BICRA: variants seen among roughly 807,000 people sequenced by gnomAD.
BICRA encodes the protein BRD4 interacting chromatin remodeling complex associated protein.
Under a neutral mutation model 96.9 loss-of-function variants are expected in BICRA, and 31 were observed. That is an observed-to-expected ratio of 0.32 (90% CI 0.24 to 0.43). The LOEUF is 0.43. BICRA is among the 20% of genes least tolerant of loss of function. BICRA has a pLI of 1.00. For synonymous variants in BICRA, 1,350 were observed against 1,071.8 expected (o/e 1.26, Z -5.07); for missense variants, 2,283 against 2,190.3 (o/e 1.04, Z -0.84).
chr19:47,698,942 T>G lies in BICRA; in HGVS notation c.3398-23T>G. The G allele has an allele frequency of 6.5e-7, 1 of 1,543,552 alleles. No individual in the cohort carries two copies. Among genetic ancestry groups the G allele is most frequent in the East Asian group, 2.4e-5 (1 of 41,620 alleles). On this transcript the variant is annotated intron_variant, in intron 12 of 14. Coordinates refer to ENST00000594866, the MANE Select transcript of BICRA (RefSeq NM_001394372.1). This position sits in a 1 kb window ranked among gnomAD's most constrained non-coding sequence, Gnocchi z 4.8. ...CGGCCGCCCCCAACATCTCCGCCCTTGCCTCTCTTCCCTTCCTCGCAGTGG... is the reference window on the plus strand; with the variant it reads ...CGGCCGCCCCCAACATCTCCGCCCTGGCCTCTCTTCCCTTCCTCGCAGTGG...
At chr19:47,690,472 A>G (rs1973224524) in intron 7 of BICRA, among the ~76,000 whole-genome samples, 1 of 152,164 alleles carries the variant, frequency 6.6e-6, no homozygotes, top group African/African-American at 2.4e-5. Flanking sequence ...CAGTATATAC[A>G]AGCATCTTTA....
At position 47,681,270 on chromosome 19, in the gene BICRA, G is replaced by A. The variant is rs967275415; in HGVS notation, c.2100G>A (p.Leu700=). 1.0e-5 allele frequency: 16 copies of A among 1,541,606 alleles called. No homozygotes were observed. Among genetic ancestry groups the A allele is most frequent in the African/African-American group, 1.4e-5 (1 of 73,528 alleles). ...ILTQDSLQMF[L]PQERSQQPLS... Reference sequence around the variant, plus strand: ...CTCAGGACTCCCTGCAGATGTTCCTGCCCCAGGTAAGCAGGGCGGGGCAAG... The same window carrying A: ...CTCAGGACTCCCTGCAGATGTTCCTACCCCAGGTAAGCAGGGCGGGGCAAG... The change falls in exon 6 of 15, where the codon CTG becomes CTA. Residue 700 remains leucine (L), a synonymous_variant. Transcript: ENST00000594866.
At chr19:47,613,228 C>T (rs1971935536) in intron 1 of BICRA, among the ~76,000 whole-genome samples, 2 of 152,114 alleles carry the variant, frequency 1.3e-5, no homozygotes, top group Admixed American at 6.5e-5. Context: ...ATAAGGCTCC[C>T]CAGGTTCCCG....
intron 1 of BICRA, among the ~76,000 whole-genome samples, chr19:47,619,404 G>A (rs1972032421): frequency 1.3e-5 from 2 of 151,778 alleles, no homozygotes; most frequent in South Asian, 2.1e-4. Flanking sequence ...GATTATAGGC[G>A]CCCGCCACCA....
At chr19:47,619,180 G>GTATATA (rs910501128) in intron 1 of BICRA, among the ~76,000 whole-genome samples, 1 of 108,918 alleles carries the variant, frequency 9.2e-6, no homozygotes, top group African/African-American at 3.7e-5. Context: ...CGTGGACAGT[G>GTATATA]TATATATATA....
intron 1 of BICRA, among the ~76,000 whole-genome samples, chr19:47,655,323 C>G (rs973523345): frequency 6.6e-6 from 1 of 151,428 alleles, no homozygotes; most frequent in Non-Finnish European, 1.5e-5. Context: ...ATCAGGAGTT[C>G]GAGACCAGCC....
At chr19:47,681,353 C>A in intron 6 of BICRA, 77 bp downstream of exon 6, 1 of 1,330,718 alleles carries the variant, frequency 7.5e-7, no homozygotes, top group Non-Finnish European at 1.0e-6. Flanking sequence ...GGCGAGGCGC[C>A]AAGATCCAAA....
chr19:47,662,879 CT>C (rs1329950576), intron 1 of BICRA: 3 of 152,224 alleles, frequency 2.0e-5, no homozygotes, highest in Non-Finnish European at 4.4e-5. Flanking sequence ...CACCAGCCCT[CT>C]CACATTTTGT....
rs1024054673 is a variant in BICRA, at chr19:47,698,274, G to C, written c.3249-360G>C. On this transcript the variant is annotated intron_variant, in intron 11 of 14. Coordinates refer to ENST00000594866, the MANE Select transcript of BICRA (RefSeq NM_001394372.1). This position sits in a 1 kb window ranked among gnomAD's most constrained non-coding sequence, Gnocchi z 4.8. ...GAAGGCTGCACTTTGGAGGAGGCAC[G>C]GTGGAGCCACACTGGCCCCAGGTGG... is the stretch of plus-strand genomic sequence containing the variant. 6.6e-6 allele frequency among the ~76,000 whole-genome samples: 1 copy of C among 152,162 alleles called. No individual in the cohort carries two copies. Among genetic ancestry groups the C allele is most frequent in the Non-Finnish European group, 1.5e-5 (1 of 68,024 alleles).
intron 7 of BICRA, 28 bp from the exon 8 acceptor site, chr19:47,694,087 C>CGGCACCCATGGCCGCCACAGG: frequency 7.1e-7 from 1 of 1,410,916 alleles, no homozygotes; most frequent in Non-Finnish European, 9.2e-7. Flanking sequence ...ACCCCCGCCC[C>CGGCACCCATGGCCGCCACAGG]TCCCCTCTCC....
At chr19:47,686,199 G>A (rs1483288090) in intron 7 of BICRA, among the ~76,000 whole-genome samples, 1 of 152,072 alleles carries the variant, frequency 6.6e-6, no homozygotes, top group African/African-American at 2.4e-5. Flanking sequence ...CCAAAGTCCT[G>A]GGATTACAGG....
intron 1 of BICRA, among the ~76,000 whole-genome samples, chr19:47,612,651 C>T (rs553314570): frequency 1.3e-5 from 2 of 151,518 alleles, no homozygotes; most frequent in African/African-American, 2.4e-5. Context: ...GGGGGGCTGA[C>T]GGAGAGGGGC....
intron 1 of BICRA, among the ~76,000 whole-genome samples, chr19:47,667,312 G>A (rs913621717): frequency 6.6e-6 from 1 of 152,176 alleles, no homozygotes; most frequent in Non-Finnish European, 1.5e-5. Context: ...ACAGCGCCTG[G>A]CCCTATTCAT....
chr19:47,698,575 G>T lies in BICRA; in HGVS notation c.3249-59G>T. ...GCTGAGGGTTCAGGGACTTCCCCTG[G>T]CCCTCACCCGTCCCCCCCACCCTCC... On this transcript the variant is annotated intron_variant, in intron 11 of 14. Coordinates refer to ENST00000594866, the MANE Select transcript of BICRA (RefSeq NM_001394372.1). This position sits in a 1 kb window ranked among gnomAD's most constrained non-coding sequence, Gnocchi z 4.8. 1 of 765,544 alleles carries T rather than the reference G, an allele frequency of 1.3e-6. No homozygotes were observed. 47.4% of individuals were successfully genotyped at this position (765,544 alleles called of 1,614,324 possible). A position where few individuals can be genotyped will look rare whatever the true frequency, so the allele number is the denominator to read the frequency against.
Position 47,695,353 on chromosome 19 carries a change from A to G in BICRA, c.3077-12A>G. The G allele has an allele frequency of 8.0e-6, 3 of 376,504 alleles. No homozygotes were observed. Among genetic ancestry groups the G allele is most frequent in the East Asian group, 4.2e-5 (1 of 23,594 alleles). The allele number at this position is 376,504 out of a possible 1,614,324, so 23.3% of individuals were successfully genotyped here. A position where few individuals can be genotyped will look rare whatever the true frequency, so the allele number is the denominator to read the frequency against. On this transcript the variant is annotated splice_polypyrimidine_tract_variant and intron_variant, in intron 9 of 14. Coordinates refer to ENST00000594866, the MANE Select transcript of BICRA (RefSeq NM_001394372.1). ...CCGCAGGCCCTGTCTCCCCCACCCC[A>G]CCCACCCCCAGGCCTCCCTCCTCTG...
At chr19:47,637,514 A>C (rs1329528084) in intron 1 of BICRA, among the ~76,000 whole-genome samples, 2 of 152,198 alleles carry the variant, frequency 1.3e-5, no homozygotes, top group African/African-American at 4.8e-5. Context: ...TGCTGGGTTC[A>C]AGTGATTCTC....
chr19:47,678,976 C>G (rs1414646303), intron 5 of BICRA: 3 of 225,338 alleles, frequency 1.3e-5, no homozygotes, highest in African/African-American at 2.3e-5. Context: ...TAGCTCCACT[C>G]TGCAGCCTCA....
At chr19:47,608,836 A>G (rs1279754169), upstream of BICRA, among the ~76,000 whole-genome samples, 2 of 144,480 alleles carry the variant, frequency 1.4e-5, no homozygotes, top group Non-Finnish European at 1.5e-5. Context: ...GGCGGAGGGA[A>G]GAGGAGGAGG....
intron 1 of BICRA, among the ~76,000 whole-genome samples, chr19:47,627,386 G>C (rs780485517): frequency 3.9e-5 from 6 of 152,098 alleles, no homozygotes; most frequent in Non-Finnish European, 5.9e-5. Flanking sequence ...TTCCTCCTTG[G>C]AGGTTAAATA....
Sources: gnomAD v4.1 joint callset for allele counts (sites outside exome capture counted in the v4.1 genomes callset) on GRCh38, gnomAD v4.1.1 for gene constraint, Gnocchi (gnomAD v3.1) non-coding constraint, MANE v1.5 for transcripts, NCBI Gene and HGNC (gene_info 2026-07-23, HGNC 2026-07-21) for gene names.